SULT2A1: variants seen among roughly 807,000 people sequenced by gnomAD.
SULT2A1 encodes the protein sulfotransferase 2A1.
In SULT2A1, 43 loss-of-function variants were observed where a neutral mutation model predicts 33.9. The observed-to-expected ratio is 1.27, with a 90% CI of 1.00 to 1.64. The LOEUF (loss-of-function observed/expected upper bound fraction) is 1.64, where lower values mean the gene tolerates loss of function less well. SULT2A1 is among the 40% of genes most tolerant of loss of function. The pLI, the probability that SULT2A1 is intolerant of heterozygous loss-of-function variation, is 0.00. For missense variants in SULT2A1, 300 were observed against 335.1 expected (o/e 0.90, Z 0.82); for synonymous variants, 125 against 113.6 (o/e 1.10, Z -0.64).
At chr19:47,879,216 T>C in intron 3 of SULT2A1, 86 bp from the exon 4 acceptor site, 1 of 795,424 alleles carries the variant, frequency 1.3e-6, no homozygotes, top group Non-Finnish European at 2.2e-6. Flanking sequence ...CCCACCGGCT[T>C]GTTAACGTAT....
At position 47,870,499 on chromosome 19, in the gene SULT2A1, C is replaced by T. The variant is rs764172240; in HGVS notation, c.*956G>A. The T allele has an allele frequency of 4.1e-5, 6 of 147,774 alleles. No homozygotes were observed. The highest frequency in any genetic ancestry group is 6.8e-5 in the Admixed American group (1 of 14,784). 9.2% of individuals were successfully genotyped at this position (147,774 alleles called of 1,614,324 possible). A position where few individuals can be genotyped will look rare whatever the true frequency, so the allele number is the denominator to read the frequency against. On this transcript the variant is annotated 3_prime_UTR_variant, in exon 6 of 6. Coordinates refer to ENST00000222002, the MANE Select transcript of SULT2A1 (RefSeq NM_003167.4). The stretch of plus-strand genomic sequence containing the variant: ...ACACCGTTTATTGTATATGGTTTAA[C>T]AACACAGAGTAAGAGGATAAAATTA...
chr19:47,882,033 A>G (rs1489834829), intron 3 of SULT2A1, 51 bp downstream of exon 3: 2 of 1,601,420 alleles, frequency 1.2e-6, no homozygotes, highest in Non-Finnish European at 1.7e-6. Context: ...GGGTGTCAAA[A>G]GAGGTCGGCT....
intron 4 of SULT2A1, among the ~76,000 whole-genome samples, chr19:47,875,620 G>A (rs1160826811): frequency 6.6e-6 from 1 of 151,574 alleles, no homozygotes; most frequent in Non-Finnish European, 1.5e-5. Flanking sequence ...CCTGGGCGTT[G>A]GAGTGAGACC....
In SULT2A1 at chr19:47,876,790, G is replaced by C. The variant is rs1434657799; in HGVS notation, c.568-1956C>G. On this transcript the variant is annotated intron_variant, in intron 4 of 5. Transcript: ENST00000222002. ...GTCTAAAAAAAAAAAAAAAAAAAAA[G>C]ATGGCCGGGCGCGGTGGCTCATGCC... is the stretch of plus-strand genomic sequence containing the variant. Among the ~76,000 whole-genome samples, 535 of 66,960 alleles carry C rather than the reference G, an allele frequency of 8.0e-3. 12 individuals carry two copies. The highest frequency in any genetic ancestry group is 0.012 in the Middle Eastern group (1 of 84). The allele number at this position is 66,960 out of a possible 152,430, so 43.9% of individuals were successfully genotyped here. A position where few individuals can be genotyped will look rare whatever the true frequency, so the allele number is the denominator to read the frequency against.
intron 3 of SULT2A1, 84 bp downstream of exon 3, chr19:47,882,000 G>C: frequency 6.4e-7 from 1 of 1,564,266 alleles, no homozygotes; most frequent in Non-Finnish European, 8.7e-7. Flanking sequence ...CCATGGGTTG[G>C]TGAGATGTAG....
Position 47,882,027 on chromosome 19 carries a change from G to A in SULT2A1, c.472+57C>T, listed in dbSNP as rs11569684. 1,115 of 1,599,390 alleles carry A rather than the reference G, an allele frequency of 7.0e-4. 4 individuals are homozygous for A. The African/African-American group carries it at 0.013, about 19-fold the overall frequency. ...GAGATGTAGAGATGTGAGGCTGGGTGTCAAAAGAGGTCGGCTAGAAGACTC... is the reference window on the plus strand; with the variant it reads ...GAGATGTAGAGATGTGAGGCTGGGTATCAAAAGAGGTCGGCTAGAAGACTC... On this transcript the variant is annotated intron_variant, in intron 3 of 5. Coordinates refer to ENST00000222002, the MANE Select transcript of SULT2A1 (RefSeq NM_003167.4).
intron 5 of SULT2A1, among the ~76,000 whole-genome samples, chr19:47,873,010 C>T (rs1011773197): frequency 5.3e-5 from 8 of 152,064 alleles, no homozygotes; most frequent in Non-Finnish European, 1.0e-4. Flanking sequence ...GATACACTTG[C>T]CTTGGTCTCT....
rs1968528544 is a variant in SULT2A1 at position 47,874,891 on chromosome 19, G to A, written c.568-57C>T. The A allele has an allele frequency of 2.0e-6, 3 of 1,505,822 alleles. No homozygotes were observed. In the South Asian group the frequency reaches 3.5e-5, roughly 18 times the overall value. 93.3% of individuals were successfully genotyped at this position (1,505,822 alleles called of 1,614,324 possible). A position where few individuals can be genotyped will look rare whatever the true frequency, so the allele number is the denominator to read the frequency against. On this transcript the variant is annotated intron_variant, in intron 4 of 5. Transcript: ENST00000222002. Reference sequence around the variant, plus strand: ...AAAGAGAAAGACAAGGCTGGGCGTGGTGGTTCACGCCTGTAATCCCAGCAC... The same window carrying A: ...AAAGAGAAAGACAAGGCTGGGCGTGATGGTTCACGCCTGTAATCCCAGCAC...
chr19:47,877,962 A>G (rs1020543042), intron 4 of SULT2A1, among the ~76,000 whole-genome samples: 1 of 152,174 alleles, frequency 6.6e-6, no homozygotes, highest in African/African-American at 2.4e-5. Context: ...AATTGATTAC[A>G]TGCCTTCATT....
In SULT2A1 at chr19:47,874,745, G is replaced by A. The variant is rs775634775; in HGVS notation, c.657C>T (p.Ser219=). ...TCTTGTTTTCTTTCATGCTCTGAAA[G>A]GAGCTGTTCTTGAGAATTAAGTTCA... ...EELNLILKNS[S]FQSMKENKMS... The change falls in exon 5 of 6, where the codon TCC becomes TCT. Residue 219 remains serine, a synonymous_variant. Coordinates refer to ENST00000222002, the MANE Select transcript of SULT2A1 (RefSeq NM_003167.4). The A allele has an allele frequency of 2.7e-5, 44 of 1,614,072 alleles. No individual in the cohort carries two copies. In the East Asian group the frequency reaches 4.7e-4, roughly 17 times the overall value.
chr19:47,874,483 T>A (rs1352988502), intron 5 of SULT2A1, among the ~76,000 whole-genome samples, 174 bp downstream of exon 5: 1 of 140,392 alleles, frequency 7.1e-6, no homozygotes, highest in Non-Finnish European at 1.5e-5. Context: ...GACGTTGCAG[T>A]GAGCTGAGAT....
At chr19:47,884,131 A>C (rs1003481428) in intron 1 of SULT2A1, among the ~76,000 whole-genome samples, 8 of 150,076 alleles carry the variant, frequency 5.3e-5, no homozygotes, top group Non-Finnish European at 1.2e-4. Context: ...ACAAAAACAA[A>C]AAAAAGTACC....
At chr19:47,882,718 C>A (rs890760632) in intron 2 of SULT2A1, among the ~76,000 whole-genome samples, 6 of 151,824 alleles carry the variant, frequency 4.0e-5, no homozygotes, top group Non-Finnish European at 7.4e-5. Flanking sequence ...AGTTCGAGAC[C>A]AGCCTGGCCA....
rs1160986402 is a variant in SULT2A1, at chr19:47,879,022, A to AG, written c.567+13_567+14insC. 2.6e-6 allele frequency: 4 copies of AG among 1,563,906 alleles called. No homozygotes were observed. Among genetic ancestry groups the AG allele is most frequent in the Non-Finnish European group, 3.5e-6 (4 of 1,134,308 alleles). ...TGAGAGGGTGTGCACTGACTCTAAA[A>AG]ATGATGGGATTACCTGTTTCAGCTC... On this transcript the variant is annotated intron_variant, in intron 4 of 5. Transcript: ENST00000222002.
At chr19:47,882,255 C>T in intron 2 of SULT2A1, 45 bp from the exon 3 acceptor site, 1 of 1,586,492 alleles carries the variant, frequency 6.3e-7, no homozygotes, top group Non-Finnish European at 8.6e-7. Context: ...ACAGTCAATC[C>T]TCACTCTTTT....
Position 47,871,333 on chromosome 19 carries a change from G to C in SULT2A1, c.*122C>G, listed in dbSNP as rs1382864585. The C allele has an allele frequency of 1.3e-6, 1 of 770,634 alleles. No individual in the cohort carries two copies. The highest frequency in any genetic ancestry group is 1.8e-5 in the South Asian group (1 of 55,902). The allele number at this position is 770,634 out of a possible 1,614,324, so 47.7% of individuals were successfully genotyped here. On this transcript the variant is annotated 3_prime_UTR_variant, in exon 6 of 6. Transcript: ENST00000222002. ...CAAGGAAGGGATCAGAGATGCAGAG[G>C]TTTGATATTTAAGGTTTCAGGATAA...
rs1968626302 is a variant in SULT2A1, at chr19:47,883,785, C to T, written c.137G>A (p.Gly46Glu). 2 of 1,613,706 alleles carry T rather than the reference C, an allele frequency of 1.2e-6. No individual in the cohort carries two copies. The highest frequency in any genetic ancestry group is 1.7e-6 in the Non-Finnish European group (2 of 1,179,830). Residue 46 changes from glycine (G) to glutamate (E), a missense_variant and splice_region_variant, in exon 2 of 6, where the codon GGA (glycine) becomes GAA (glutamate). By Grantham distance (98) the Gly-to-Glu change is moderately conservative. Transcript: ENST00000222002. The stretch of plus-strand genomic sequence containing the variant: ...GAGAATCTCAGCCAACCAGTTTGTT[C>T]CTGGAAAAAGAAGGAAAAAAATATA... ...DVIILTYPKS[G>E]TNWLAEILCL...
Position 47,883,664 on chromosome 19 carries a change from T to G in SULT2A1, c.258A>C (p.Ala86=), listed in dbSNP as rs11569682. Residue 86 remains alanine (A), a synonymous_variant, in exon 2 of 6, where the codon GCA becomes GCC. Coordinates refer to ENST00000222002, the MANE Select transcript of SULT2A1 (RefSeq NM_003167.4). ...PWVESEIGYT[A]LSETESPRLF... is the part of the protein sequence containing the mutation. The stretch of plus-strand genomic sequence containing the variant: ...AACGTGGACTCTCCGTTTCACTGAG[T>G]GCTGTATACCCAATCTCACTCTCTA... The G allele has an allele frequency of 1.1e-3, 1,774 of 1,613,954 alleles. 22 individuals are homozygous for G. The African/African-American group carries it at 0.02, about 18-fold the overall frequency.
intron 4 of SULT2A1, 97 bp downstream of exon 4, chr19:47,878,939 G>A: frequency 3.7e-6 from 3 of 808,284 alleles, no homozygotes; most frequent in Non-Finnish European, 4.4e-6. Context: ...CTTTAACTGA[G>A]AGGGTGGAAT....
Sources: gnomAD v4.1 joint callset for allele counts (sites outside exome capture counted in the v4.1 genomes callset) on GRCh38, gnomAD v4.1.1 for gene constraint, MANE v1.5 for transcripts, NCBI Gene and HGNC (gene_info 2026-07-23, HGNC 2026-07-21) for gene names.